The following TENT4A variants were observed in gnomAD, a reference collection of about 807,000 sequenced individuals.
TENT4A encodes DNA polymerase kappa.
A neutral mutation model predicts 72.8 loss-of-function variants in TENT4A; 7 were observed. The observed-to-expected ratio is 0.10, with a 90% CI of 0.05 to 0.18. TENT4A has a LOEUF of 0.18. Ranked by LOEUF, TENT4A falls within the 10% of genes least tolerant of loss-of-function variation. The pLI is 1.00. For synonymous variants in TENT4A, 456 were observed against 434.3 expected (o/e 1.05, Z -0.62); for missense variants, 831 against 1,017.7 (o/e 0.82, Z 2.50).
At position 6,753,070 on chromosome 5, in the gene TENT4A, G is replaced by A. The variant is rs1274079253; in HGVS notation, c.2184+33G>A. 4 of 1,550,450 alleles carry A rather than the reference G, an allele frequency of 2.6e-6. No individual in the cohort carries two copies. In the East Asian group the frequency reaches 9.3e-5, roughly 36 times the overall value. On this transcript the variant is annotated intron_variant, in intron 12 of 12. Transcript: ENST00000230859. ...TCTGTCCTGGTGCATTCACCTACCTGTTCAAGCTGCCATGTGAGAGGCGGT... is the reference window on the plus strand; with the variant it reads ...TCTGTCCTGGTGCATTCACCTACCTATTCAAGCTGCCATGTGAGAGGCGGT...
intron 3 of TENT4A, among the ~76,000 whole-genome samples, 192 bp from the exon 4 acceptor site, chr5:6,739,540 C>A (rs1333794510): frequency 6.6e-6 from 1 of 152,178 alleles, no homozygotes; most frequent in Non-Finnish European, 1.5e-5. Flanking sequence ...GGAAGTCTTC[C>A]CTTAAGTTCA....
intron 1 of TENT4A, among the ~76,000 whole-genome samples, chr5:6,727,151 C>A (rs1375779860): frequency 6.6e-6 from 1 of 152,218 alleles, no homozygotes; most frequent in Non-Finnish European, 1.5e-5. Flanking sequence ...CCTTTCTGAT[C>A]CCTGGCTCCT....
rs752486580 is a variant in TENT4A at position 6,752,884 on chromosome 5, T to G, written c.2031T>G (p.Thr677=). The G allele has an allele frequency of 1.9e-6, 3 of 1,613,674 alleles. No homozygotes were observed. The highest frequency in any genetic ancestry group is 1.3e-5 in the African/African-American group (1 of 75,050). ...IMTTNNQTRF[T]IPPPTLGVAP... ...CATTTTGTTCCTAGACCAGGTTTAC[T>G]ATACCTCCACCGACCCTAGGGGTTG... The change falls in exon 12 of 13, where the codon ACT becomes ACG. Residue 677 remains threonine (T), a synonymous_variant. Coordinates refer to ENST00000230859, the MANE Select transcript of TENT4A (RefSeq NM_006999.6).
intron 1 of TENT4A, among the ~76,000 whole-genome samples, chr5:6,719,991 C>G (rs1272910244): frequency 6.6e-6 from 1 of 152,150 alleles, no homozygotes; most frequent in Non-Finnish European, 1.5e-5. Flanking sequence ...CAGCACATTC[C>G]TGTTATTGTC....
chr5:6,739,417 C>T lies in TENT4A; in HGVS notation c.888-315C>T, dbSNP rs934301765. On this transcript the variant is annotated intron_variant, in intron 3 of 12. Coordinates refer to ENST00000230859, the MANE Select transcript of TENT4A (RefSeq NM_006999.6). ...AGTGCCGGAGTAGGTGCTGGGAGAG[C>T]GGGGCCTCAGCCTGGTTTGGGGGCA... is the stretch of plus-strand genomic sequence containing the variant. 7.2e-5 allele frequency among the ~76,000 whole-genome samples: 11 copies of T among 152,306 alleles called. No individual in the cohort carries two copies. The East Asian group carries it at 7.7e-4, about 11-fold the overall frequency.
chr5:6,752,840 G>GGT, intron 11 of TENT4A, 33 bp from the exon 12 acceptor site: 1 of 1,599,010 alleles, frequency 6.3e-7, no homozygotes. Flanking sequence ...TGATTGCTTT[G>GGT]GTACCCATGG....
chr5:6,714,086 T>C lies in TENT4A; in HGVS notation c.103T>C (p.Ser35Pro). Residue 35 changes from serine (S) to proline (P), a missense_variant, in exon 1 of 13, where the codon TCG becomes CCG. Ser to Pro is a moderately conservative substitution (Grantham distance 74). Coordinates refer to ENST00000230859, the MANE Select transcript of TENT4A (RefSeq NM_006999.6). ...CTCGCAGGGCGTGGGCCGCGGCGGCTCGGGCTTCGCGTCCTATTTCTGCCT... is the reference window on the plus strand; with the variant it reads ...CTCGCAGGGCGTGGGCCGCGGCGGCCCGGGCTTCGCGTCCTATTTCTGCCT... Reference protein sequence around the residue: ...ETSQGVGRGGSGFASYFCLNS... With the variant: ...ETSQGVGRGGPGFASYFCLNS... 1 of 985,024 alleles carries C rather than the reference T, an allele frequency of 1.0e-6. No individual in the cohort carries two copies. The highest frequency in any genetic ancestry group is 1.2e-6 in the Non-Finnish European group (1 of 831,896). The allele number at this position is 985,024 out of a possible 1,614,324, so 61.0% of individuals were successfully genotyped here.
At chr5:6,730,126 A>G (rs1299586051) in intron 1 of TENT4A, among the ~76,000 whole-genome samples, 1 of 151,876 alleles carries the variant, frequency 6.6e-6, no homozygotes, top group Non-Finnish European at 1.5e-5. Flanking sequence ...AGGACCTTGC[A>G]TGGCATTTGC....
intron 1 of TENT4A, among the ~76,000 whole-genome samples, chr5:6,725,579 A>G (rs1740877927): frequency 6.6e-6 from 1 of 152,268 alleles, no homozygotes; most frequent in Non-Finnish European, 1.5e-5. Flanking sequence ...GCCATCTTAC[A>G]CTGCCATTTG....
In TENT4A at chr5:6,739,481, T is replaced by C. The variant is rs532632560; in HGVS notation, c.888-251T>C. 3.9e-5 allele frequency among the ~76,000 whole-genome samples: 6 copies of C among 152,328 alleles called. No individual in the cohort carries two copies. In the East Asian group the frequency reaches 1.2e-3, roughly 29 times the overall value. ...GAATCCCCTCACATACCTAGTGCTGTTGGGAGAATGATTTAACCTTCTTGC... is the reference window on the plus strand; with the variant it reads ...GAATCCCCTCACATACCTAGTGCTGCTGGGAGAATGATTTAACCTTCTTGC... On this transcript the variant is annotated intron_variant, in intron 3 of 12. Transcript: ENST00000230859.
At chr5:6,738,330 A>T (rs1416704489) in intron 2 of TENT4A, among the ~76,000 whole-genome samples, 1 of 151,690 alleles carries the variant, frequency 6.6e-6, no homozygotes, top group African/African-American at 2.4e-5. Context: ...TTGGCTTTAA[A>T]CTTCAGAGTC....
intron 6 of TENT4A, among the ~76,000 whole-genome samples, chr5:6,744,858 G>A (rs1250177931): frequency 6.6e-6 from 1 of 152,184 alleles, no homozygotes; most frequent in Admixed American, 6.5e-5. Context: ...CTCCTGACTT[G>A]CACTATTTTC....
At chr5:6,714,757 C>CCGCGGTCCTGGCCGGCGCA in intron 1 of TENT4A, 58 bp downstream of exon 1, 1 of 1,031,346 alleles carries the variant, frequency 9.7e-7, no homozygotes, top group Non-Finnish European at 1.2e-6. Context: ...TGGCCGGCGC[C>CCGCGGTCCTGGCCGGCGCA]CGCGGTGCAG....
intron 1 of TENT4A, among the ~76,000 whole-genome samples, chr5:6,724,809 G>T (rs1033195744): frequency 5.9e-5 from 9 of 152,224 alleles, no homozygotes; most frequent in Non-Finnish European, 1.3e-4. Context: ...CCTAGCCACA[G>T]TAGTAATCAC....
intron 1 of TENT4A, among the ~76,000 whole-genome samples, chr5:6,734,358 G>T (rs1288831751): frequency 1.3e-5 from 2 of 152,238 alleles, no homozygotes; most frequent in Non-Finnish European, 2.9e-5. Context: ...AAGGCAGGCT[G>T]GGGGCTTTTC....
chr5:6,739,938 TGTG>T, intron 4 of TENT4A, 86 bp downstream of exon 4: 2 of 1,337,868 alleles, frequency 1.5e-6, no homozygotes, highest in Non-Finnish European at 2.1e-6. Flanking sequence ...GTCACGAGCT[TGTG>T]GTATTTTACA....
chr5:6,746,507 CTG>C, intron 7 of TENT4A, 80 bp downstream of exon 7: 1 of 1,321,192 alleles, frequency 7.6e-7, no homozygotes, highest in South Asian at 1.2e-5. Context: ...TGTTGGGGCT[CTG>C]AGAGCCCCGG....
chr5:6,752,397 C>T lies in TENT4A; in HGVS notation c.2020-476C>T, dbSNP rs1020455434. On this transcript the variant is annotated intron_variant, in intron 11 of 12. Transcript: ENST00000230859. ...TTGCAAGTCTGAGAAAAGGGGTTCT[C>T]GTTAGCGCACTTCTGCTGCTGACAG... is the stretch of plus-strand genomic sequence containing the variant. Among the ~76,000 whole-genome samples, 5 of 152,232 alleles carry T rather than the reference C, an allele frequency of 3.3e-5. No homozygotes were observed. The East Asian group carries it at 5.8e-4, about 18-fold the overall frequency.
In TENT4A at chr5:6,713,634, G is replaced by C. The variant is rs1360856340; in HGVS notation, c.-350G>C. Reference sequence around the variant, plus strand: ...CCCTTCTCCGATGGCCTCTCCCCGCGGCCCGAGTGGAACGCCGCCGCCGCC... The same window carrying C: ...CCCTTCTCCGATGGCCTCTCCCCGCCGCCCGAGTGGAACGCCGCCGCCGCC... On this transcript the variant is annotated 5_prime_UTR_variant, in exon 1 of 13. Transcript: ENST00000230859. 6.8e-6 allele frequency: 1 copy of C among 146,188 alleles called. No individual in the cohort carries two copies. Among genetic ancestry groups the C allele is most frequent in the African/African-American group, 2.5e-5 (1 of 40,416 alleles). The allele number at this position is 146,188 out of a possible 1,614,324, so 9.1% of individuals were successfully genotyped here. A position where few individuals can be genotyped will look rare whatever the true frequency, so the allele number is the denominator to read the frequency against.
Sources: allele counts gnomAD v4.1 joint callset (sites outside exome capture counted in the v4.1 genomes callset), GRCh38; gene constraint gnomAD v4.1.1; transcripts MANE v1.5; gene names NCBI Gene and HGNC (gene_info 2026-07-23, HGNC 2026-07-21).